Variants in FBXO47 observed in about 807,000 individuals in gnomAD.
FBXO47 encodes F-box protein 47.
Under a neutral mutation model 53.9 loss-of-function variants are expected in FBXO47, and 34 were observed. The ratio of observed to expected loss-of-function variants is 0.63; its 90% CI spans 0.48 to 0.84. FBXO47 has a LOEUF of 0.84. Ranked by LOEUF, FBXO47 falls within the 40% of genes least tolerant of loss-of-function variation. FBXO47 has a pLI of 0.00. For missense variants in FBXO47, 485 were observed against 541.3 expected, an observed-to-expected ratio of 0.90 and a Z score of 1.03; for synonymous variants, 165 against 181.6, an observed-to-expected ratio of 0.91 and a Z score of 0.73.
chr17:38,957,363 T>C, intron 3 of FBXO47, 110 bp from the exon 4 acceptor site: 1 of 650,908 alleles, frequency 1.5e-6, no homozygotes, highest in Non-Finnish European at 2.7e-6. Flanking sequence ...CACAGTGGAC[T>C]ATGAGTTGAT....
At chr17:38,948,759 T>C (rs1296083049) in intron 6 of FBXO47, among the ~76,000 whole-genome samples, 1 of 152,098 alleles carries the variant, frequency 6.6e-6, no homozygotes, top group African/African-American at 2.4e-5. Flanking sequence ...TATTTATTTA[T>C]TTATTTTTAT....
chr17:38,953,494 G>A (rs976067272), intron 5 of FBXO47, among the ~76,000 whole-genome samples: 2 of 151,062 alleles, frequency 1.3e-5, no homozygotes, highest in African/African-American at 4.9e-5. Context: ...GTGTGGTAGC[G>A]CATACCTGTA....
chr17:38,943,258 C>G (rs1344233589), intron 8 of FBXO47, among the ~76,000 whole-genome samples: 1 of 152,094 alleles, frequency 6.6e-6, no homozygotes, highest in Non-Finnish European at 1.5e-5. Flanking sequence ...ATTGTTTCAC[C>G]TTTCCTTTAC....
intron 6 of FBXO47, 49 bp from the exon 7 acceptor site, chr17:38,945,185 T>G: frequency 7.1e-7 from 1 of 1,406,030 alleles, no homozygotes; most frequent in Non-Finnish European, 1.0e-6. Context: ...AAGGCTGCTG[T>G]GCATATTGAA....
chr17:38,959,506 G>C (rs1331812561), intron 3 of FBXO47, among the ~76,000 whole-genome samples: 1 of 149,944 alleles, frequency 6.7e-6, no homozygotes, highest in Non-Finnish European at 1.5e-5. Context: ...CTTGAACCCA[G>C]GAGGCAGAGG....
At chr17:38,947,097 TATATATAAACATATATATATAAAC>T (rs1904979920) in intron 6 of FBXO47, among the ~76,000 whole-genome samples, 1 of 93,752 alleles carries the variant, frequency 1.1e-5, no homozygotes, top group Admixed American at 1.1e-4. Flanking sequence ...TATATAAACA[TATATATAAACATATATATATAAAC>T]ATATATATAA....
chr17:38,946,669 TATATATAAATATATATGA>T (rs1904891299), intron 6 of FBXO47, among the ~76,000 whole-genome samples: 1 of 36,678 alleles, frequency 2.7e-5, no homozygotes, highest in Admixed American at 4.3e-4. Context: ...AATATATAAA[TATATATAAATATATATGA>T]ATATATAAAT....
chr17:38,946,863 A>AAT (rs944225357), intron 6 of FBXO47, among the ~76,000 whole-genome samples: 5 of 116,590 alleles, frequency 4.3e-5, no homozygotes, highest in Non-Finnish European at 8.0e-5. Context: ...AATATATATA[A>AAT]ATATATAAAC....
Position 38,941,444 on chromosome 17 carries a change from A to G in FBXO47, c.1083+1334T>C, listed in dbSNP as rs1307777693. Among the ~76,000 whole-genome samples the G allele has an allele frequency of 2.0e-5, 3 of 151,334 alleles. 1 individual carries two copies. The highest frequency in any genetic ancestry group is 7.3e-5 in the African/African-American group (3 of 40,940). On this transcript the variant is annotated intron_variant, in intron 9 of 10. Transcript: ENST00000378079. ...CTCAGTCTCCCAAAGTGCTGGGATT[A>G]CAGGCATGAGCCATCATGTCCGGCC...
chr17:38,940,606 C>T (rs142952040), intron 9 of FBXO47, among the ~76,000 whole-genome samples: 1 of 152,076 alleles, frequency 6.6e-6, no homozygotes, highest in African/African-American at 2.4e-5. Flanking sequence ...GTCACATGAT[C>T]CCATTTTTCT....
chr17:38,943,614 TAAC>T lies in FBXO47; in HGVS notation c.913_915del (p.Val305del). ...CCTGATAGTTCATCTACAAGACTGA[TAAC>T]ATCATCTGCTGTCCACTCTTTAGTG... On this transcript the variant is annotated inframe_deletion, in exon 8 of 11. Coordinates refer to ENST00000378079, the MANE Select transcript of FBXO47 (RefSeq NM_001008777.3). The T allele has an allele frequency of 3.8e-6, 6 of 1,594,332 alleles. No individual in the cohort carries two copies. Among genetic ancestry groups the T allele is most frequent in the Non-Finnish European group, 5.1e-6 (6 of 1,172,386 alleles).
chr17:38,946,969 TAA>T (rs1220993862), intron 6 of FBXO47, among the ~76,000 whole-genome samples: 10 of 108,858 alleles, frequency 9.2e-5, no homozygotes, highest in Non-Finnish European at 1.1e-4. Context: ...TAAACATATA[TAA>T]ATATATGTAA....
At chr17:38,964,228 G>A (rs1407094054) in intron 1 of FBXO47, among the ~76,000 whole-genome samples, 2 of 152,188 alleles carry the variant, frequency 1.3e-5, no homozygotes, top group Non-Finnish European at 2.9e-5. Flanking sequence ...GGGAGGCGGA[G>A]GTGGGTGGAA....
chr17:38,959,729 T>TCA (rs967808376), intron 3 of FBXO47, among the ~76,000 whole-genome samples: 2 of 150,648 alleles, frequency 1.3e-5, no homozygotes, highest in Admixed American at 1.3e-4. Flanking sequence ...CACTTCAGCC[T>TCA]CAACCTCTGC....
chr17:38,957,270 A>G lies in FBXO47; in HGVS notation c.353-17T>C, dbSNP rs1370701318. 6.4e-7 allele frequency: 1 copy of G among 1,570,426 alleles called. No homozygotes were observed. Among genetic ancestry groups the G allele is most frequent in the Admixed American group, 1.7e-5 (1 of 59,498 alleles). On this transcript the variant is annotated splice_polypyrimidine_tract_variant and intron_variant, in intron 3 of 10. Coordinates refer to ENST00000378079, the MANE Select transcript of FBXO47 (RefSeq NM_001008777.3). ...ACAGTAGACCTAAGAAAGTAAAGAGACATAAGAAAAAATGACAACAATACA... is the reference window on the plus strand; with the variant it reads ...ACAGTAGACCTAAGAAAGTAAAGAGGCATAAGAAAAAATGACAACAATACA...
At position 38,967,250 on chromosome 17, in the gene FBXO47, C is replaced by A. The variant is rs186719741; in HGVS notation, c.-48G>T. 1.3e-5 allele frequency: 2 copies of A among 152,222 alleles called. No individual in the cohort carries two copies. The highest frequency in any genetic ancestry group is 1.3e-4 in the Admixed American group (2 of 15,278). 9.4% of individuals were successfully genotyped at this position (152,222 alleles called of 1,614,324 possible). On this transcript the variant is annotated 5_prime_UTR_variant, in exon 1 of 11. Transcript: ENST00000378079. The stretch of plus-strand genomic sequence containing the variant: ...TTACCACAGATTTTGACAGTTTTTC[C>A]GGCTACAGAGTCACAGGAAAGTGGG...
chr17:38,965,669 C>A (rs944599799), intron 1 of FBXO47, among the ~76,000 whole-genome samples: 1 of 139,316 alleles, frequency 7.2e-6, no homozygotes. Flanking sequence ...GTCAGGAGAT[C>A]GAGACCATCC....
chr17:38,951,650 C>A lies in FBXO47; in HGVS notation c.547G>T (p.Val183Phe), dbSNP rs78686509. The change falls in exon 6 of 11, where the codon GTT (valine) becomes TTT (phenylalanine). Residue 183 changes from valine to phenylalanine, a missense_variant. Physicochemically the swap from Val to Phe is conservative, Grantham distance 50 (BLOSUM62 -1). Coordinates refer to ENST00000378079, the MANE Select transcript of FBXO47 (RefSeq NM_001008777.3). The part of the protein sequence containing the change: ...AGWDELECHR[V>F]YNFLCELTNL... ...GTCAGTTCGCATAAGAAATTATAAA[C>A]GCGATGGCACTCAAGTTCATCCCAA... The A allele has an allele frequency of 6.2e-7, 1 of 1,613,832 alleles. No individual in the cohort carries two copies. The highest frequency in any genetic ancestry group is 1.3e-5 in the African/African-American group (1 of 74,904).
At chr17:38,947,249 G>T (rs940049994) in intron 6 of FBXO47, among the ~76,000 whole-genome samples, 1 of 151,378 alleles carries the variant, frequency 6.6e-6, no homozygotes, top group African/African-American at 2.4e-5. Context: ...GCAGCGAGCT[G>T]AGATCTCACA....
Sources: gnomAD v4.1 joint callset for allele counts (sites outside exome capture counted in the v4.1 genomes callset) on GRCh38, gnomAD v4.1.1 for gene constraint, MANE v1.5 for transcripts, NCBI Gene and HGNC (gene_info 2026-07-23, HGNC 2026-07-21) for gene names.